The following LRMDA variants were observed in gnomAD, a reference collection of about 807,000 sequenced individuals.
LRMDA encodes leucine rich melanocyte differentiation associated.
Under a neutral mutation model 29.8 loss-of-function variants are expected in LRMDA, and 18 were observed. The ratio of observed to expected loss-of-function variants is 0.60; its 90% CI spans 0.42 to 0.90. LRMDA has a LOEUF of 0.90. Among genes scored for constraint, LRMDA ranks in the 40% least tolerant of loss-of-function variants. The pLI, the probability that LRMDA is intolerant of heterozygous loss-of-function variation, is 0.00. For synonymous variants in LRMDA, 125 were observed against 109.4 expected, an observed-to-expected ratio of 1.14 and a Z score of -0.89; for missense variants, 273 against 273.9, an observed-to-expected ratio of 1.00 and a Z score of 0.02.
chr10:75,503,998 A>G (rs1441539217), intron 2 of LRMDA, among the ~76,000 whole-genome samples: 1 of 143,078 alleles, frequency 7.0e-6, no homozygotes, highest in Non-Finnish European at 1.5e-5. Context: ...GTGTTAGGTC[A>G]TTTATTTATT....
At chr10:75,660,441 C>T (rs1200351196) in intron 2 of LRMDA, among the ~76,000 whole-genome samples, 1 of 152,232 alleles carries the variant, frequency 6.6e-6, no homozygotes, top group Non-Finnish European at 1.5e-5. Flanking sequence ...CCTGCCAGCA[C>T]TCTCCAGAAA....
chr10:76,493,467 A>G (rs575920285), intron 6 of LRMDA, among the ~76,000 whole-genome samples: 1 of 152,200 alleles, frequency 6.6e-6, no homozygotes, highest in South Asian at 2.1e-4. Context: ...GGAATCAGGG[A>G]TGATCCCATT....
chr10:75,496,539 T>C (rs1845045980), intron 2 of LRMDA, among the ~76,000 whole-genome samples: 1 of 152,214 alleles, frequency 6.6e-6, no homozygotes, highest in Admixed American at 6.5e-5. Context: ...TATTTTACAT[T>C]TAATAACCCT....
chr10:76,114,747 G>A (rs765743735), intron 5 of LRMDA, among the ~76,000 whole-genome samples: 10 of 152,174 alleles, frequency 6.6e-5, no homozygotes, highest in Non-Finnish European at 1.5e-4. Flanking sequence ...GTTCTTTCCT[G>A]GCTCTGAGGG....
At chr10:76,436,992 T>A (rs529091926) in intron 6 of LRMDA, among the ~76,000 whole-genome samples, 15 of 152,202 alleles carry the variant, frequency 9.9e-5, no homozygotes, top group South Asian at 2.1e-4. Context: ...TGTGAACACA[T>A]TTTCTCCTCT....
intron 5 of LRMDA, among the ~76,000 whole-genome samples, chr10:76,152,324 G>T (rs1322918123): frequency 6.6e-6 from 1 of 152,132 alleles, no homozygotes; most frequent in Non-Finnish European, 1.5e-5. Flanking sequence ...TTTCAAGGAT[G>T]ATTCTTATTG....
At chr10:76,189,105 G>C (rs1423757151) in intron 5 of LRMDA, among the ~76,000 whole-genome samples, 1 of 152,118 alleles carries the variant, frequency 6.6e-6, no homozygotes, top group East Asian at 1.9e-4. Flanking sequence ...TGCCTGTAAT[G>C]CCAGCACTTT....
intron 2 of LRMDA, among the ~76,000 whole-genome samples, chr10:75,800,142 GTC>G (rs1392185496): frequency 6.6e-6 from 1 of 151,848 alleles, no homozygotes; most frequent in African/African-American, 2.4e-5. Flanking sequence ...TAGTTTTTGT[GTC>G]ATCTGTTTTC....
chr10:75,890,866 A>G (rs1329074526), intron 2 of LRMDA, among the ~76,000 whole-genome samples: 1 of 151,850 alleles, frequency 6.6e-6, no homozygotes, highest in African/African-American at 2.4e-5. Flanking sequence ...GCACTTTGGG[A>G]GGCTGAGGTG....
intron 2 of LRMDA, among the ~76,000 whole-genome samples, chr10:75,856,040 C>T (rs1214854244): frequency 2.6e-5 from 4 of 152,136 alleles, no homozygotes; most frequent in Admixed American, 2.6e-4. Context: ...ATTGACTTGG[C>T]AATGCAGGCT....
intron 2 of LRMDA, among the ~76,000 whole-genome samples, chr10:75,798,871 T>C (rs1843698800): frequency 6.6e-6 from 1 of 152,164 alleles, no homozygotes; most frequent in Non-Finnish European, 1.5e-5. Flanking sequence ...GCTCCATGAA[T>C]ATGTAAAATG....
chr10:76,418,312 T>C (rs891271128), intron 6 of LRMDA, among the ~76,000 whole-genome samples: 1 of 145,456 alleles, frequency 6.9e-6, no homozygotes, highest in Admixed American at 7.1e-5. Context: ...AACTCAATAA[T>C]AATTTTTAGT....
At chr10:75,788,291 C>T (rs1463603889) in intron 2 of LRMDA, among the ~76,000 whole-genome samples, 1 of 152,210 alleles carries the variant, frequency 6.6e-6, no homozygotes, top group Non-Finnish European at 1.5e-5. Flanking sequence ...GTGTTAGCTT[C>T]CTGAGGTCAA....
chr10:76,374,626 A>G (rs924488746), intron 6 of LRMDA, among the ~76,000 whole-genome samples: 3 of 152,168 alleles, frequency 2.0e-5, no homozygotes, highest in Admixed American at 6.5e-5. Flanking sequence ...ATACGACACA[A>G]ATAAGCAGCG....
intron 2 of LRMDA, among the ~76,000 whole-genome samples, chr10:75,737,507 C>T (rs554554400): frequency 4.9e-4 from 74 of 152,284 alleles, no homozygotes; most frequent in Admixed American, 7.8e-4. Flanking sequence ...GGTTTGGCAG[C>T]GGTTGAGCAA....
intron 2 of LRMDA, among the ~76,000 whole-genome samples, chr10:75,477,923 ACTTAT>A (rs1226964154): frequency 3.9e-5 from 6 of 152,236 alleles, no homozygotes; most frequent in African/African-American, 7.2e-5. Context: ...TCTTCTAATT[ACTTAT>A]CTTATCCACA....
At chr10:75,515,515 G>C (rs150023901) in intron 2 of LRMDA, among the ~76,000 whole-genome samples, 31 of 152,120 alleles carry the variant, frequency 2.0e-4, no homozygotes, top group Admixed American at 5.2e-4. Context: ...TGGGACTACA[G>C]GCACATACCA....
chr10:75,912,087 G>C (rs1845851826), intron 2 of LRMDA, among the ~76,000 whole-genome samples: 1 of 152,046 alleles, frequency 6.6e-6, no homozygotes, highest in Non-Finnish European at 1.5e-5. Flanking sequence ...AGTCTTTTCT[G>C]TCTCCCAGAG....
At chr10:76,081,472 A>G (rs548300314) in intron 5 of LRMDA, among the ~76,000 whole-genome samples, 9 of 152,312 alleles carry the variant, frequency 5.9e-5, no homozygotes, top group Admixed American at 5.2e-4. Flanking sequence ...TGAAAGTAAC[A>G]CTATTGGATT....
Sources: allele counts gnomAD v4.1 joint callset (sites outside exome capture counted in the v4.1 genomes callset), GRCh38; gene constraint gnomAD v4.1.1; transcripts MANE v1.5; gene names NCBI Gene and HGNC (gene_info 2026-07-23, HGNC 2026-07-21).